PRIM2: variants seen among roughly 807,000 people sequenced by gnomAD.
PRIM2 encodes the protein DNA primase large subunit.
Under a neutral mutation model 67.3 loss-of-function variants are expected in PRIM2, and 39 were observed. The observed-to-expected ratio is 0.58, with a 90% CI of 0.45 to 0.76. The LOEUF (loss-of-function observed/expected upper bound fraction) is 0.76, where lower values mean the gene tolerates loss of function less well. PRIM2 is among the 30% of genes least tolerant of loss of function. The pLI is 0.00. For missense variants in PRIM2, 398 were observed against 598.7 expected, an observed-to-expected ratio of 0.66 and a Z score of 3.50; for synonymous variants, 143 against 198.7, an observed-to-expected ratio of 0.72 and a Z score of 2.36.
chr6:57,331,522 T>A (rs576213205), intron 5 of PRIM2, among the ~76,000 whole-genome samples: 1 of 152,312 alleles, frequency 6.6e-6, no homozygotes, highest in African/African-American at 2.4e-5. Context: ...TGAATTAATC[T>A]GGGCCTGGGC....
the PRIM2 span, among the ~76,000 whole-genome samples, chr6:57,267,220 A>G: frequency 6.6e-6 from 1 of 152,168 alleles, no homozygotes. Flanking sequence ...ACAAAGGTCC[A>G]CTTTGCTTGG....
chr6:57,450,327 G>A (rs1772502474), intron 7 of PRIM2, among the ~76,000 whole-genome samples: 1 of 152,132 alleles, frequency 6.6e-6, no homozygotes, highest in African/African-American at 2.4e-5. Flanking sequence ...TGTGTAGTTT[G>A]ATATCCACTG....
chr6:57,615,662 G>A (rs1259060739), intron 12 of PRIM2, among the ~76,000 whole-genome samples: 6 of 152,096 alleles, frequency 3.9e-5, no homozygotes, highest in African/African-American at 7.2e-5. Context: ...TTGGAAGGCC[G>A]AGGTGAGAGG....
chr6:57,400,012 G>A (rs1329730339), intron 7 of PRIM2, among the ~76,000 whole-genome samples: 15 of 152,192 alleles, frequency 9.9e-5, no homozygotes, highest in Non-Finnish European at 1.9e-4. Context: ...TTAAGAAATG[G>A]GTCTCTTGAA....
intron 5 of PRIM2, among the ~76,000 whole-genome samples, chr6:57,346,344 TCTCA>T (rs1350203948): frequency 6.6e-6 from 1 of 151,556 alleles, no homozygotes; most frequent in African/African-American, 2.4e-5. Context: ...TGAGACGGAG[TCTCA>T]CTCTGTCGCC....
intron 12 of PRIM2, among the ~76,000 whole-genome samples, chr6:57,610,034 C>A (rs1776634778): frequency 6.6e-6 from 1 of 152,082 alleles, no homozygotes; most frequent in Non-Finnish European, 1.5e-5. Flanking sequence ...GAGAAAACTA[C>A]TTGAAAAAGA....
chr6:57,611,762 C>G (rs1387298946), intron 12 of PRIM2, among the ~76,000 whole-genome samples: 3 of 151,958 alleles, frequency 2.0e-5, no homozygotes, highest in Non-Finnish European at 4.4e-5. Flanking sequence ...TTAGACTTTA[C>G]CAAAATTAAA....
intron 7 of PRIM2, among the ~76,000 whole-genome samples, chr6:57,454,223 A>G (rs1451095248): frequency 1.1e-4 from 16 of 152,164 alleles, no homozygotes; most frequent in Non-Finnish European, 1.9e-4. Flanking sequence ...ATCGATGTTC[A>G]TCAGGGATAT....
chr6:57,277,766 G>C, the PRIM2 span, among the ~76,000 whole-genome samples: 3 of 151,550 alleles, frequency 2.0e-5, no homozygotes, highest in African/African-American at 7.3e-5. Flanking sequence ...GGATCACAAG[G>C]TCAGGAGATC....
chr6:57,562,308 T>C (rs1775649164), intron 10 of PRIM2, among the ~76,000 whole-genome samples: 1 of 152,232 alleles, frequency 6.6e-6, no homozygotes, highest in East Asian at 1.9e-4. Context: ...ACATGCTCGA[T>C]GCAGGGTTCC....
At chr6:57,584,557 A>G (rs1345643780) in intron 10 of PRIM2, among the ~76,000 whole-genome samples, 1 of 152,206 alleles carries the variant, frequency 6.6e-6, no homozygotes, top group Non-Finnish European at 1.5e-5. Flanking sequence ...GAAATTCTGT[A>G]TACTATGGAG....
chr6:57,427,468 G>T (rs574588364), intron 7 of PRIM2, among the ~76,000 whole-genome samples: 1 of 151,996 alleles, frequency 6.6e-6, no homozygotes, highest in Non-Finnish European at 1.5e-5. Flanking sequence ...CCAGGCATGC[G>T]CCACCAAGCC....
the PRIM2 span, among the ~76,000 whole-genome samples, chr6:57,271,934 A>G: frequency 6.6e-6 from 1 of 152,176 alleles, no homozygotes; most frequent in Non-Finnish European, 1.5e-5. Flanking sequence ...GTAGTTGAGC[A>G]GATTTGAGTG....
In PRIM2 at chr6:57,338,649, C is replaced by G. The variant is rs541916529; in HGVS notation, c.459+12604C>G. Among the ~76,000 whole-genome samples the G allele has an allele frequency of 6.2e-4, 92 of 149,264 alleles. 2 individuals carry two copies. In the South Asian group the frequency reaches 0.019, roughly 31 times the overall value. On this transcript the variant is annotated intron_variant, in intron 5 of 13. Transcript: ENST00000615550. ...TGCAGAAAAGGCCTTTGACAAAATT[C>G]AACAACGCTTCATGCTAAAAACTCT...
intron 7 of PRIM2, among the ~76,000 whole-genome samples, chr6:57,428,004 T>C (rs1163049108): frequency 3.3e-5 from 5 of 152,112 alleles, no homozygotes; most frequent in African/African-American, 1.2e-4. Flanking sequence ...CTAAGGGGAC[T>C]CTAGGAATCC....
the PRIM2 span, among the ~76,000 whole-genome samples, chr6:57,227,372 A>G: frequency 1.3e-5 from 2 of 152,208 alleles, no homozygotes; most frequent in Non-Finnish European, 2.9e-5. Context: ...GGCTGGGCAC[A>G]GTGGCTCACG....
intron 7 of PRIM2, among the ~76,000 whole-genome samples, chr6:57,422,743 T>C (rs1771508016): frequency 6.6e-6 from 1 of 152,020 alleles, no homozygotes; most frequent in Non-Finnish European, 1.5e-5. Flanking sequence ...ATACAAATGA[T>C]AGGGTTTTAT....
At chr6:57,238,350 TA>T in the PRIM2 span, among the ~76,000 whole-genome samples, 1 of 152,190 alleles carries the variant, frequency 6.6e-6, no homozygotes, top group East Asian at 1.9e-4. Context: ...GAACAGAAAT[TA>T]TAACAAACTG....
the PRIM2 span, among the ~76,000 whole-genome samples, chr6:57,263,369 G>C: frequency 1.3e-5 from 2 of 152,170 alleles, no homozygotes; most frequent in African/African-American, 4.8e-5. Context: ...AAGGCTGTAG[G>C]GAGAGTCCTT....
Sources: allele counts gnomAD v4.1 joint callset (sites outside exome capture counted in the v4.1 genomes callset), GRCh38; gene constraint gnomAD v4.1.1; transcripts MANE v1.5; gene names NCBI Gene and HGNC (gene_info 2026-07-23, HGNC 2026-07-21).